ASAP1: variants seen among roughly 807,000 people sequenced by gnomAD.
ASAP1 encodes the protein ArfGAP with SH3 domain, ankyrin repeat and PH domain 1, also known as arf-GAP with SH3 domain, ANK repeat and PH domain-containing protein 1.
Under a neutral mutation model 145.2 loss-of-function variants are expected in ASAP1, and 43 were observed. The ratio of observed to expected loss-of-function variants is 0.30; its 90% CI spans 0.23 to 0.38. The LOEUF (loss-of-function observed/expected upper bound fraction) is 0.38, where lower values mean the gene tolerates loss of function less well. Ranked by LOEUF, ASAP1 falls within the 10% of genes least tolerant of loss-of-function variation. ASAP1 has a pLI of 1.00. For synonymous variants in ASAP1, 546 were observed against 515.5 expected, an observed-to-expected ratio of 1.06 and a Z score of -0.80; for missense variants, 1,018 against 1,355.3, an observed-to-expected ratio of 0.75 and a Z score of 3.91.
chr8:130,244,167 T>G lies in ASAP1; in HGVS notation c.187-7173A>C, dbSNP rs17211546. On this transcript the variant is annotated intron_variant, in intron 3 of 29. Transcript: ENST00000518721. ...ACAGGTAGCATGGTATCAGACCTAT[T>G]AGAGCACTCAGTGGAAGCTGACTGA... is the stretch of plus-strand genomic sequence containing the variant. Among the ~76,000 whole-genome samples, 905 of 152,258 alleles carry G rather than the reference T, an allele frequency of 5.9e-3. 5 individuals carry two copies. The highest frequency in any genetic ancestry group is 0.012 in the Admixed American group (189 of 15,284).
intron 14 of ASAP1, among the ~76,000 whole-genome samples, chr8:130,135,889 C>G (rs1297576453): frequency 6.6e-6 from 1 of 152,166 alleles, no homozygotes; most frequent in African/African-American, 2.4e-5. Flanking sequence ...CATACAGATG[C>G]TGCAGAATAC....
chr8:130,054,638 G>A lies in ASAP1; in HGVS notation c.*93C>T. The A allele has an allele frequency of 9.2e-7, 1 of 1,088,910 alleles. No homozygotes were observed. The highest frequency in any genetic ancestry group is 1.4e-6 in the Non-Finnish European group (1 of 711,118). The allele number at this position is 1,088,910 out of a possible 1,614,324, so 67.5% of individuals were successfully genotyped here. On this transcript the variant is annotated 3_prime_UTR_variant, in exon 30 of 30. Transcript: ENST00000518721. Reference sequence around the variant, plus strand: ...GGCCCTTCCATGAGTTTCTTACTCTGTAACAGCAGCTATATACACACTGTG... The same window carrying A: ...GGCCCTTCCATGAGTTTCTTACTCTATAACAGCAGCTATATACACACTGTG...
chr8:130,263,339 T>C (rs2136998938), intron 3 of ASAP1, among the ~76,000 whole-genome samples: 1 of 152,210 alleles, frequency 6.6e-6, no homozygotes, highest in Middle Eastern at 3.4e-3. Context: ...GAATTTGAAC[T>C]AGAGAAGAGA....
At chr8:130,184,426 G>C (rs1814578840) in intron 7 of ASAP1, among the ~76,000 whole-genome samples, 1 of 152,184 alleles carries the variant, frequency 6.6e-6, no homozygotes, top group Non-Finnish European at 1.5e-5. Context: ...GGATCAAGAG[G>C]GGCAGGCAGA....
intron 11 of ASAP1, among the ~76,000 whole-genome samples, chr8:130,162,033 C>A (rs994311647): frequency 1.3e-5 from 2 of 152,178 alleles, no homozygotes; most frequent in Non-Finnish European, 2.9e-5. Flanking sequence ...CTCCTGGACA[C>A]AAGCAATTCT....
chr8:130,434,581 A>T (rs1379467182), intron 1 of ASAP1, among the ~76,000 whole-genome samples: 5 of 152,192 alleles, frequency 3.3e-5, no homozygotes, highest in Non-Finnish European at 4.4e-5. Context: ...TTCCCACAGC[A>T]TCATGACAAA....
At chr8:130,355,362 GTGCAT>G (rs1426580765) in intron 3 of ASAP1, among the ~76,000 whole-genome samples, 1 of 152,192 alleles carries the variant, frequency 6.6e-6, no homozygotes, top group Non-Finnish European at 1.5e-5. Flanking sequence ...CTCTATGTAT[GTGCAT>G]TAGTGATCTA....
intron 5 of ASAP1, among the ~76,000 whole-genome samples, chr8:130,194,425 A>C (rs1388106329): frequency 1.3e-5 from 2 of 152,104 alleles, no homozygotes; most frequent in Non-Finnish European, 2.9e-5. Flanking sequence ...AGAACAGAAA[A>C]CCTATTCTCT....
chr8:130,054,703 G>A lies in ASAP1; in HGVS notation c.*28C>T, dbSNP rs1297620347. Reference sequence around the variant, plus strand: ...AAGGCAGCAGTCTTGCATGAAGGATGTGGACAATCTTAAGGTTCTGCGTTT... The same window carrying A: ...AAGGCAGCAGTCTTGCATGAAGGATATGGACAATCTTAAGGTTCTGCGTTT... On this transcript the variant is annotated 3_prime_UTR_variant, in exon 30 of 30. Transcript: ENST00000518721. 29 of 1,592,644 alleles carry A rather than the reference G, an allele frequency of 1.8e-5. No individual in the cohort carries two copies. The highest frequency in any genetic ancestry group is 1.0e-4 in the Admixed American group (6 of 59,932).
chr8:130,255,849 T>C (rs1403742685), intron 3 of ASAP1, among the ~76,000 whole-genome samples: 2 of 152,122 alleles, frequency 1.3e-5, no homozygotes, highest in Admixed American at 6.6e-5. Flanking sequence ...CTCTTGCAAA[T>C]TACATGTGAG....
chr8:130,301,585 T>C (rs1292927323), intron 3 of ASAP1, among the ~76,000 whole-genome samples: 2 of 152,208 alleles, frequency 1.3e-5, no homozygotes, highest in Non-Finnish European at 2.9e-5. Context: ...TCTTTATATA[T>C]TGATTAAATA....
At position 130,358,599 on chromosome 8, in the gene ASAP1, C is replaced by A. The variant is rs892908268; in HGVS notation, c.60-456G>T. Among the ~76,000 whole-genome samples, 4 of 146,690 alleles carry A rather than the reference C, an allele frequency of 2.7e-5. No individual in the cohort carries two copies. The highest frequency in any genetic ancestry group is 9.8e-5 in the African/African-American group (4 of 40,652). On this transcript the variant is annotated intron_variant, in intron 2 of 29. Coordinates refer to ENST00000518721, the MANE Select transcript of ASAP1 (RefSeq NM_018482.4). This position sits in a 1 kb window ranked among gnomAD's most constrained non-coding sequence, Gnocchi z 4.1. ...GGCGGCGCGGGCCTGACTGACTGAG[C>A]GCACACTCCCGCGGCGGGCGGGCGG...
chr8:130,229,529 T>C (rs1817783169), intron 4 of ASAP1, among the ~76,000 whole-genome samples: 1 of 152,218 alleles, frequency 6.6e-6, no homozygotes, highest in Admixed American at 6.5e-5. Flanking sequence ...GGCTCAAAGG[T>C]GGTCCTTAAC....
chr8:130,383,148 T>C (rs189815809), intron 2 of ASAP1, among the ~76,000 whole-genome samples: 335 of 152,234 alleles, frequency 2.2e-3, no homozygotes, highest in African/African-American at 7.6e-3. Context: ...AAATGACATC[T>C]TACCTTCAAT....
At position 130,088,692 on chromosome 8, in the gene ASAP1, C is replaced by T. The variant is rs150394199; in HGVS notation, c.2572+3281G>A. On this transcript the variant is annotated intron_variant, in intron 25 of 29. Coordinates refer to ENST00000518721, the MANE Select transcript of ASAP1 (RefSeq NM_018482.4). ...TTTACAACATCCAGTTTGCGGTATG[C>T]GTTACAGGAGCCTCAGGAAACGAAT... Among the ~76,000 whole-genome samples, 485 of 152,266 alleles carry T rather than the reference C, an allele frequency of 3.2e-3. 3 individuals carry two copies. Among genetic ancestry groups the T allele is most frequent in the African/African-American group, 0.011 (464 of 41,552 alleles).
intron 27 of ASAP1, 95 bp from the exon 28 acceptor site, chr8:130,061,164 G>C: frequency 2.8e-6 from 4 of 1,430,512 alleles, no homozygotes; most frequent in Non-Finnish European, 3.7e-6. Flanking sequence ...GAAGGGAACT[G>C]ACCTATAGTG....
At chr8:130,411,239 C>T (rs936653614) in intron 1 of ASAP1, among the ~76,000 whole-genome samples, 1 of 152,192 alleles carries the variant, frequency 6.6e-6, no homozygotes, top group African/African-American at 2.4e-5. Flanking sequence ...TCTCACAGGT[C>T]ATTACAGGCC....
chr8:130,163,620 C>CT (rs2097674090), intron 11 of ASAP1, among the ~76,000 whole-genome samples: 1 of 152,210 alleles, frequency 6.6e-6, no homozygotes, highest in Admixed American at 6.5e-5. Context: ...ATTCAGCTTG[C>CT]TAAGCAGGGC....
chr8:130,247,526 TA>T (rs36050520), intron 3 of ASAP1, among the ~76,000 whole-genome samples: 2 of 150,688 alleles, frequency 1.3e-5, no homozygotes, highest in Non-Finnish European at 1.5e-5. Context: ...GGAGGACCCT[TA>T]AAAAAAAACA....
Sources: allele counts gnomAD v4.1 joint callset (sites outside exome capture counted in the v4.1 genomes callset), GRCh38; gene constraint gnomAD v4.1.1; non-coding constraint Gnocchi (gnomAD v3.1); transcripts MANE v1.5; gene names NCBI Gene and HGNC (gene_info 2026-07-23, HGNC 2026-07-21).